DYNLT2: variants seen among roughly 807,000 people sequenced by gnomAD.
DYNLT2 encodes dynein light chain Tctex-type 2, also known as dynein light chain Tctex-type protein 2.
In DYNLT2, 24 loss-of-function variants were observed where a neutral mutation model predicts 24.3. The observed-to-expected ratio is 0.99, with a 90% confidence interval of 0.71 to 1.39. DYNLT2 has a LOEUF of 1.39. Among genes scored for constraint, DYNLT2 ranks in the 40% most tolerant of loss-of-function variants. DYNLT2 has a pLI of 0.00. For missense variants in DYNLT2, 246 were observed against 234.5 expected (o/e 1.05, Z -0.32); for synonymous variants, 85 against 85.4 (o/e 1.00, Z 0.03).
At chr6:169,738,418 G>C (rs184316017), downstream of DYNLT2, among the ~76,000 whole-genome samples, 652 of 152,324 alleles carry the variant, frequency 4.3e-3, 6 homozygotes, top group African/African-American at 0.015. Flanking sequence ...CCCCAGTGGC[G>C]TGGGTTTGCA....
the DYNLT2 span, chr6:169,725,446 C>T: frequency 7.5e-6 from 3 of 397,482 alleles, no homozygotes; most frequent in Non-Finnish European, 1.3e-5. Flanking sequence ...TCACCACTGA[C>T]GACGCCGGGC....
At chr6:169,728,547 T>C in the DYNLT2 span, among the ~76,000 whole-genome samples, 11 of 152,352 alleles carry the variant, frequency 7.2e-5, no homozygotes, top group Admixed American at 2.0e-4. Context: ...GTTGAAATTG[T>C]GCAAAGTGAT....
chr6:169,739,264 C>A (rs1055046158), downstream of DYNLT2, among the ~76,000 whole-genome samples: 6 of 139,200 alleles, frequency 4.3e-5, no homozygotes, highest in African/African-American at 1.6e-4. Context: ...TCAGGCTGGT[C>A]TCAAATTCCT....
intron 1 of DYNLT2, 33 bp from the exon 2 acceptor site, chr6:169,744,307 G>T: frequency 6.4e-7 from 1 of 1,572,432 alleles, no homozygotes. Flanking sequence ...AAGAGAGAAA[G>T]GCAGAAAGAT....
the DYNLT2 span, among the ~76,000 whole-genome samples, chr6:169,729,828 A>C: frequency 6.6e-6 from 1 of 150,648 alleles, no homozygotes; most frequent in Non-Finnish European, 1.5e-5. Flanking sequence ...CCAGGTAAGG[A>C]CATAACCAGG....
intron 3 of DYNLT2, among the ~76,000 whole-genome samples, chr6:169,741,154 T>C (rs1789670417): frequency 6.6e-6 from 1 of 152,162 alleles, no homozygotes. Flanking sequence ...GAAGTTGACT[T>C]TATGTCCCCA....
intron 1 of DYNLT2, among the ~76,000 whole-genome samples, chr6:169,745,097 GT>G (rs752444343): frequency 1.3e-5 from 2 of 150,584 alleles, no homozygotes; most frequent in African/African-American, 4.9e-5. Context: ...AGTTTTTTTT[GT>G]TTGTTTTTTT....
In DYNLT2 at chr6:169,751,487, C is replaced by CCT. The variant is rs200920810; in HGVS notation, c.-31_-30dup. ...GCTCTGTTCTCCAAGACGCCCACCG[C>CCT]CTCCCCTTCACCGCCGGCGGTCAAA... On this transcript the variant is annotated 5_prime_UTR_variant, in exon 1 of 4. Coordinates refer to ENST00000366774, the MANE Select transcript of DYNLT2 (RefSeq NM_174910.3). The CCT allele has an allele frequency of 0.019, 30,446 of 1,612,058 alleles. 400 individuals are homozygous for CCT. The highest frequency in any genetic ancestry group is 0.04 in the South Asian group (3,611 of 90,998).
At chr6:169,736,147 T>G (rs1047704117), downstream of DYNLT2, among the ~76,000 whole-genome samples, 8 of 151,702 alleles carry the variant, frequency 5.3e-5, no homozygotes, top group African/African-American at 1.2e-4. Context: ...TGTTTGTTTT[T>G]TTTTTTGCTT....
the DYNLT2 span, among the ~76,000 whole-genome samples, chr6:169,726,998 A>G: frequency 6.6e-6 from 1 of 152,252 alleles, no homozygotes; most frequent in African/African-American, 2.4e-5. Flanking sequence ...AGAGAAGGAA[A>G]AAAAAGAAAA....
downstream of DYNLT2, among the ~76,000 whole-genome samples, chr6:169,735,205 C>T (rs1789536901): frequency 6.6e-6 from 1 of 151,668 alleles, no homozygotes; most frequent in Non-Finnish European, 1.5e-5. Context: ...AGTGGTCTTT[C>T]TATTTAGTTA....
At chr6:169,743,032 A>T (rs1044253913) in intron 3 of DYNLT2, 48 bp downstream of exon 3, 1 of 1,381,750 alleles carries the variant, frequency 7.2e-7, no homozygotes, top group East Asian at 2.5e-5. Flanking sequence ...TAGGGAGGAG[A>T]TGCCTTATAG....
Position 169,751,241 on chromosome 6 carries a change from C to G in DYNLT2, c.120+98G>C. On this transcript the variant is annotated intron_variant, in intron 1 of 3. Transcript: ENST00000366774. ...CAAAAGGGAGATGCTGCCTCCTTGG[C>G]TCTGGGGGTGGTGACGGGAGCGGGG... 3 of 1,508,866 alleles carry G rather than the reference C, an allele frequency of 2.0e-6. No individual in the cohort carries two copies. In the South Asian group the frequency reaches 3.8e-5, roughly 19 times the overall value. The allele number at this position is 1,508,866 out of a possible 1,614,324, so 93.5% of individuals were successfully genotyped here.
chr6:169,738,370 G>C (rs1164221823), downstream of DYNLT2, among the ~76,000 whole-genome samples: 1 of 152,218 alleles, frequency 6.6e-6, no homozygotes, highest in Non-Finnish European at 1.5e-5. Context: ...CAGCTGAGAG[G>C]CTGTACGAAT....
Position 169,751,534 on chromosome 6 carries a change from G to A in DYNLT2, c.-76C>T, listed in dbSNP as rs887469304. 1.9e-6 allele frequency: 3 copies of A among 1,610,572 alleles called. No individual in the cohort carries two copies. Among genetic ancestry groups the A allele is most frequent in the Non-Finnish European group, 2.5e-6 (3 of 1,178,844 alleles). ...CAAACGCCCTAGCCAGTCCCGCGAGGGCGGAAGTCTCCCACCTGCGCCTCG... is the reference window on the plus strand; with the variant it reads ...CAAACGCCCTAGCCAGTCCCGCGAGAGCGGAAGTCTCCCACCTGCGCCTCG... On this transcript the variant is annotated 5_prime_UTR_variant, in exon 1 of 4. Transcript: ENST00000366774.
At chr6:169,726,739 T>A in the DYNLT2 span, among the ~76,000 whole-genome samples, 2 of 152,214 alleles carry the variant, frequency 1.3e-5, no homozygotes, top group Non-Finnish European at 2.9e-5. Flanking sequence ...CACAAATATT[T>A]TATGGCAAGC....
chr6:169,735,450 C>G (rs1789542478), downstream of DYNLT2, among the ~76,000 whole-genome samples: 1 of 152,152 alleles, frequency 6.6e-6, no homozygotes, highest in African/African-American at 2.4e-5. Context: ...CTTAACACTG[C>G]TTTAGCTGTG....
At chr6:169,744,549 A>G (rs953257106) in intron 1 of DYNLT2, among the ~76,000 whole-genome samples, 1 of 152,198 alleles carries the variant, frequency 6.6e-6, no homozygotes, top group African/African-American at 2.4e-5. Context: ...TAGAATATCC[A>G]TGGATGATCC....
rs1025898152 is a variant in DYNLT2, at chr6:169,751,338, C to G, written c.120+1G>C. The G allele has an allele frequency of 1.9e-6, 3 of 1,613,558 alleles. No homozygotes were observed. The highest frequency in any genetic ancestry group is 2.7e-5 in the African/African-American group (2 of 74,936). Reference sequence around the variant, plus strand: ...GGGCCCCTAGCAGTCTCCGCACTCACTGCCTCCTTCTCGAACATGCTAGGC... The same window carrying G: ...GGGCCCCTAGCAGTCTCCGCACTCAGTGCCTCCTTCTCGAACATGCTAGGC... On this transcript the variant is annotated splice_donor_variant, in intron 1 of 3. Transcript: ENST00000366774. LOFTEE classifies it high-confidence loss of function.
Sources: allele counts gnomAD v4.1 joint callset (sites outside exome capture counted in the v4.1 genomes callset), GRCh38; gene constraint gnomAD v4.1.1; transcripts MANE v1.5; gene names NCBI Gene and HGNC (gene_info 2026-07-23, HGNC 2026-07-21).